Variants in RGS6 observed in about 807,000 individuals in gnomAD.
The protein encoded by RGS6 is regulator of G-protein signaling 6.
A neutral mutation model predicts 78.5 loss-of-function variants in RGS6; 30 were observed. The observed-to-expected ratio is 0.38, with a 90% confidence interval of 0.29 to 0.52. RGS6 has a LOEUF of 0.52. Among genes scored for constraint, RGS6 ranks in the 20% least tolerant of loss-of-function variants. The pLI, the probability that RGS6 is intolerant of heterozygous loss-of-function variation, is 0.85. For synonymous variants in RGS6, 206 were observed against 206.0 expected (o/e 1.00, Z 0.00); for missense variants, 495 against 609.7 (o/e 0.81, Z 1.98).
the RGS6 span, among the ~76,000 whole-genome samples, chr14:71,875,308 G>A: frequency 6.6e-6 from 1 of 152,082 alleles, no homozygotes; most frequent in Non-Finnish European, 1.5e-5. Flanking sequence ...CTTAATTATT[G>A]CCTCAATTTC....
intron 3 of RGS6, among the ~76,000 whole-genome samples, chr14:72,418,892 C>G (rs919042528): frequency 6.6e-6 from 1 of 152,204 alleles, no homozygotes; most frequent in Non-Finnish European, 1.5e-5. Flanking sequence ...AGGACACACA[C>G]CATATCAAAT....
chr14:72,308,403 C>A (rs2067752918), intron 2 of RGS6, among the ~76,000 whole-genome samples: 1 of 152,190 alleles, frequency 6.6e-6, no homozygotes, highest in Non-Finnish European at 1.5e-5. Flanking sequence ...TTGCCTCCTC[C>A]AAACTTCATA....
At chr14:72,628,429 T>C in the RGS6 span, among the ~76,000 whole-genome samples, 10 of 152,220 alleles carry the variant, frequency 6.6e-5, no homozygotes, top group East Asian at 7.7e-4. Context: ...AAATGAAAGA[T>C]TGGGCAAGTT....
rs140716902 is a variant in RGS6, at chr14:72,377,840, T to C, written c.184+25646T>C. ...AAAAGATTAAAAAATTAACCACCCG[T>C]GGTGCTGCACACCTGTGGTCCCAGC... On this transcript the variant is annotated intron_variant, in intron 3 of 17. Coordinates refer to ENST00000553525, the MANE Select transcript of RGS6 (RefSeq NM_001204424.2). Among the ~76,000 whole-genome samples the C allele has an allele frequency of 8.5e-4, 129 of 152,188 alleles. 1 individual carries two copies. The highest frequency in any genetic ancestry group is 2.8e-3 in the African/African-American group (117 of 41,524).
chr14:72,338,338 G>C (rs889649938), intron 2 of RGS6, among the ~76,000 whole-genome samples: 2 of 152,194 alleles, frequency 1.3e-5, no homozygotes, highest in Admixed American at 1.3e-4. Flanking sequence ...ATGGTGGCAG[G>C]CAAGAGAAAA....
At chr14:72,300,145 A>G (rs1290719475) in intron 2 of RGS6, among the ~76,000 whole-genome samples, 1 of 152,106 alleles carries the variant, frequency 6.6e-6, no homozygotes, top group Non-Finnish European at 1.5e-5. Context: ...GAACTTGAAA[A>G]GATCGATGTA....
chr14:72,057,147 C>G (rs1425891605), intron 2 of RGS6, among the ~76,000 whole-genome samples: 1 of 151,730 alleles, frequency 6.6e-6, no homozygotes, highest in African/African-American at 2.4e-5. Flanking sequence ...AACCCCATCT[C>G]TACTAAAAAT....
chr14:71,974,117 T>C (rs1328951023), intron 2 of RGS6, among the ~76,000 whole-genome samples: 1 of 152,194 alleles, frequency 6.6e-6, no homozygotes, highest in African/African-American at 2.4e-5. Context: ...ATCACTCTTG[T>C]TATTGACACT....
At chr14:72,252,822 A>C (rs2056135090) in intron 2 of RGS6, among the ~76,000 whole-genome samples, 1 of 152,240 alleles carries the variant, frequency 6.6e-6, no homozygotes, top group Non-Finnish European at 1.5e-5. Context: ...TAAAATGTTA[A>C]GAGAGATACA....
intron 2 of RGS6, among the ~76,000 whole-genome samples, chr14:72,280,591 G>A (rs180905229): frequency 2.0e-5 from 3 of 152,282 alleles, no homozygotes; most frequent in Admixed American, 1.3e-4. Context: ...CACTATTCCC[G>A]GCACTAGGGA....
chr14:72,041,718 G>A (rs759313771), intron 2 of RGS6, among the ~76,000 whole-genome samples: 10 of 152,162 alleles, frequency 6.6e-5, no homozygotes, highest in Non-Finnish European at 1.5e-4. Flanking sequence ...TTGCCTAGGG[G>A]CACTGTGGTT....
chr14:71,903,808 C>T, the RGS6 span, among the ~76,000 whole-genome samples: 1 of 152,144 alleles, frequency 6.6e-6, no homozygotes, highest in East Asian at 1.9e-4. Flanking sequence ...TTTCATTTGT[C>T]CTTAGAAAAA....
At chr14:72,278,250 A>G (rs1595187688) in intron 2 of RGS6, among the ~76,000 whole-genome samples, 1 of 152,346 alleles carries the variant, frequency 6.6e-6, no homozygotes, top group Non-Finnish European at 1.5e-5. Context: ...GTTGTGTCCA[A>G]ATGACACACC....
chr14:72,257,727 C>A (rs2057360987), intron 2 of RGS6, among the ~76,000 whole-genome samples: 2 of 152,144 alleles, frequency 1.3e-5, no homozygotes, highest in Non-Finnish European at 2.9e-5. Flanking sequence ...TGGTCACCTT[C>A]TAGCAGAGAG....
At chr14:72,238,923 G>C (rs1008478338) in intron 2 of RGS6, among the ~76,000 whole-genome samples, 11 of 152,190 alleles carry the variant, frequency 7.2e-5, no homozygotes, top group Admixed American at 3.9e-4. Flanking sequence ...GTTACCAGTG[G>C]AAGGTGTCCG....
intron 3 of RGS6, among the ~76,000 whole-genome samples, chr14:72,418,017 T>G (rs2093946752): frequency 6.6e-6 from 1 of 152,128 alleles, no homozygotes; most frequent in African/African-American, 2.4e-5. Context: ...CTTTCCCTGT[T>G]TCCATCATTC....
chr14:72,327,787 C>T (rs962076650), intron 2 of RGS6, among the ~76,000 whole-genome samples: 1 of 152,308 alleles, frequency 6.6e-6, no homozygotes, highest in East Asian at 1.9e-4. Flanking sequence ...ATGACTTCTG[C>T]AGGCTTCCAC....
intron 2 of RGS6, among the ~76,000 whole-genome samples, chr14:72,010,702 C>G (rs1596029536): frequency 6.6e-6 from 1 of 152,170 alleles, no homozygotes; most frequent in African/African-American, 2.4e-5. Context: ...TCCAATAAAT[C>G]AGGGGAGGAA....
intron 2 of RGS6, among the ~76,000 whole-genome samples, chr14:72,064,063 G>T (rs1300850427): frequency 6.6e-6 from 1 of 151,630 alleles, no homozygotes; most frequent in Non-Finnish European, 1.5e-5. Flanking sequence ...TTCTCTCGTA[G>T]GTAATCATGG....
Sources: gnomAD v4.1 joint callset for allele counts (sites outside exome capture counted in the v4.1 genomes callset) on GRCh38, gnomAD v4.1.1 for gene constraint, MANE v1.5 for transcripts, NCBI Gene and HGNC (gene_info 2026-07-23, HGNC 2026-07-21) for gene names.